SH3BGRL: variants seen among roughly 807,000 people sequenced by gnomAD.
SH3BGRL encodes SH3 domain binding glutamate rich protein like.
SH3BGRL carries 7 observed loss-of-function variants against 9.8 expected under a neutral mutation model. The ratio of observed to expected loss-of-function variants is 0.72; its 90% CI spans 0.41 to 1.35. SH3BGRL has a LOEUF of 1.35. SH3BGRL is among the 40% of genes most tolerant of loss of function. The pLI is 0.01. For synonymous variants in SH3BGRL, 36 were observed against 29.1 expected (o/e 1.24, Z -0.76); for missense variants, 73 against 84.4 (o/e 0.86, Z 0.53).
intron 3 of SH3BGRL, among the ~76,000 whole-genome samples, chrX:81,279,949 C>T (rs766777360): frequency 6.5e-4 from 72 of 111,249 alleles, no homozygotes; most frequent in Non-Finnish European, 1.3e-3. Flanking sequence ...TTTTTAAGCC[C>T]CTCTTGCCCT....
rs766695077 is a variant in SH3BGRL, at chrX:81,255,868, A to G, written c.46-21116A>G. Among the ~76,000 whole-genome samples, 41 of 112,620 alleles carry G rather than the reference A, an allele frequency of 3.6e-4. No individual in the cohort carries two copies. In the South Asian group the frequency reaches 0.015, roughly 41 times the overall value. On this transcript the variant is annotated intron_variant, in intron 1 of 3. Coordinates refer to ENST00000373212, the MANE Select transcript of SH3BGRL (RefSeq NM_003022.3). ...AACAAAGAGACGTTTTACTGGGATGAAAATACAGAAAGGCCTATGGAGAAA... is the reference window on the plus strand; with the variant it reads ...AACAAAGAGACGTTTTACTGGGATGGAAATACAGAAAGGCCTATGGAGAAA...
At chrX:81,239,087 C>T (rs888012387) in intron 1 of SH3BGRL, among the ~76,000 whole-genome samples, 2 of 111,953 alleles carry the variant, frequency 1.8e-5, no homozygotes, top group African/African-American at 3.2e-5. Context: ...TTGAAGATTA[C>T]AAGAAATACC....
chrX:81,257,393 G>T (rs933130137), intron 1 of SH3BGRL, among the ~76,000 whole-genome samples: 1 of 111,677 alleles, frequency 9.0e-6, no homozygotes, highest in Admixed American at 9.5e-5. Context: ...GTATTTAGTG[G>T]CTTGAAACAA....
chrX:81,262,564 G>A (rs970486822), intron 1 of SH3BGRL, among the ~76,000 whole-genome samples: 4 of 111,457 alleles, frequency 3.6e-5, no homozygotes, highest in African/African-American at 1.3e-4. Flanking sequence ...GCAAATAAGT[G>A]TACTGACACA....
At chrX:81,202,539 C>A (rs745582438) in intron 1 of SH3BGRL, 3 of 886,807 alleles carry the variant, frequency 3.4e-6, no homozygotes, top group African/African-American at 2.1e-5. Context: ...GCTATACGGT[C>A]TTTAGGGTTA....
intron 1 of SH3BGRL, among the ~76,000 whole-genome samples, chrX:81,274,184 A>T (rs147559666): frequency 1.9e-4 from 21 of 111,705 alleles, no homozygotes; most frequent in East Asian, 8.4e-4. Flanking sequence ...TTCTGGCAAT[A>T]TATGGTTTTC....
chrX:81,204,392 C>T (rs562531664), intron 1 of SH3BGRL, among the ~76,000 whole-genome samples: 44 of 111,373 alleles, frequency 4.0e-4, no homozygotes, highest in African/African-American at 1.4e-3. Context: ...CTAAAGTTTT[C>T]CTTTAAGATT....
In SH3BGRL at chrX:81,298,051, G is replaced by A. The variant is rs972530610; in HGVS notation, c.*824G>A. On this transcript the variant is annotated 3_prime_UTR_variant, in exon 4 of 4. Coordinates refer to ENST00000373212, the MANE Select transcript of SH3BGRL (RefSeq NM_003022.3). ...ACTTTTAAATAACTCTTATAAAACA[G>A]GTTGGCGATCATTTCCCAAGATTGG... 8.9e-6 allele frequency: 1 copy of A among 111,821 alleles called. No individual in the cohort carries two copies. Among genetic ancestry groups the A allele is most frequent in the Non-Finnish European group, 1.9e-5 (1 of 52,907 alleles). 9.2% of individuals were successfully genotyped at this position (111,821 alleles called of 1,213,427 possible).
intron 1 of SH3BGRL, among the ~76,000 whole-genome samples, chrX:81,203,480 A>G (rs1256670225): frequency 8.9e-6 from 1 of 112,117 alleles, no homozygotes; most frequent in African/African-American, 3.2e-5. Flanking sequence ...TAAAAAAAAG[A>G]ACACCTTTTA....
At chrX:81,219,882 G>T (rs762137387) in intron 1 of SH3BGRL, among the ~76,000 whole-genome samples, 7 of 111,508 alleles carry the variant, frequency 6.3e-5, no homozygotes, top group South Asian at 3.7e-4. Flanking sequence ...TTATCATATG[G>T]TTTTTGTCCT....
chrX:81,209,681 C>A (rs760007241), intron 1 of SH3BGRL, among the ~76,000 whole-genome samples: 1 of 111,610 alleles, frequency 9.0e-6, no homozygotes, highest in East Asian at 2.8e-4. Context: ...AATACAATTG[C>A]CATTCAAGAG....
chrX:81,220,938 T>A (rs926262648), intron 1 of SH3BGRL, among the ~76,000 whole-genome samples: 2 of 111,410 alleles, frequency 1.8e-5, no homozygotes, highest in African/African-American at 6.5e-5. Context: ...ATTCTTCTTG[T>A]TATTGGTTTC....
intron 1 of SH3BGRL, among the ~76,000 whole-genome samples, chrX:81,270,971 A>C (rs1192691683): frequency 1.8e-5 from 2 of 111,641 alleles, no homozygotes; most frequent in Non-Finnish European, 3.8e-5. Context: ...GTCCCCCCCC[A>C]ACCAAGCTCC....
intron 1 of SH3BGRL, among the ~76,000 whole-genome samples, chrX:81,272,721 G>C (rs1037405148): frequency 1.8e-5 from 2 of 109,768 alleles, no homozygotes; most frequent in African/African-American, 6.6e-5. Context: ...GGATGGTCTC[G>C]ATCTCCTGAC....
chrX:81,243,064 A>G (rs2075676287), intron 1 of SH3BGRL, among the ~76,000 whole-genome samples: 1 of 112,356 alleles, frequency 8.9e-6, no homozygotes, highest in Admixed American at 9.4e-5. Context: ...GGAAATCAGT[A>G]TATCAAAGAG....
chrX:81,202,919 T>C (rs1432934156), intron 1 of SH3BGRL, among the ~76,000 whole-genome samples: 1 of 111,672 alleles, frequency 9.0e-6, no homozygotes, highest in African/African-American at 3.3e-5. Flanking sequence ...TTCTATTCTT[T>C]CAAAATATTT....
At chrX:81,204,879 G>A (rs1474299764) in intron 1 of SH3BGRL, among the ~76,000 whole-genome samples, 2 of 112,364 alleles carry the variant, frequency 1.8e-5, no homozygotes, top group Admixed American at 9.4e-5. Flanking sequence ...CTTGCTTCTT[G>A]AAAGTTTAGA....
At chrX:81,294,007 G>T (rs758345570) in intron 3 of SH3BGRL, among the ~76,000 whole-genome samples, 2 of 111,567 alleles carry the variant, frequency 1.8e-5, no homozygotes, top group African/African-American at 3.3e-5. Flanking sequence ...TCTGGTAGAA[G>T]AAATTTTGAA....
intron 1 of SH3BGRL, chrX:81,237,108 G>A (rs927544519): frequency 2.3e-6 from 2 of 887,514 alleles, no homozygotes; most frequent in East Asian, 1.5e-4. Flanking sequence ...TTCTTACTTG[G>A]ATTTCCTAGG....
Sources: allele counts gnomAD v4.1 joint callset (sites outside exome capture counted in the v4.1 genomes callset), GRCh38; gene constraint gnomAD v4.1.1; transcripts MANE v1.5; gene names NCBI Gene and HGNC (gene_info 2026-07-23, HGNC 2026-07-21).